STAB1: variants seen among roughly 807,000 people sequenced by gnomAD.
STAB1 encodes the protein stabilin 1.
In STAB1, 250 loss-of-function variants were observed where a neutral mutation model predicts 332.4. That is an observed-to-expected ratio of 0.75 (90% confidence interval 0.68 to 0.84). The LOEUF is 0.84. STAB1 is among the 40% of genes least tolerant of loss of function. STAB1 has a pLI of 0.00. For missense variants in STAB1, 3,249 were observed against 3,489.7 expected, an observed-to-expected ratio of 0.93 and a Z score of 1.74; for synonymous variants, 1,475 against 1,390.4, an observed-to-expected ratio of 1.06 and a Z score of -1.35.
chr3:52,509,740 CT>C (rs1709151776), intron 22 of STAB1, 129 bp from the exon 23 acceptor site: 1 of 940,652 alleles, frequency 1.1e-6, no homozygotes, highest in Non-Finnish European at 1.6e-6. Context: ...GAGATAACCT[CT>C]GATTTTTCCA....
intron 26 of STAB1, 152 bp downstream of exon 26, chr3:52,511,897 C>G (rs886150637): frequency 2.9e-6 from 2 of 679,750 alleles, no homozygotes; most frequent in African/African-American, 1.8e-5. Context: ...TGTCACTCCT[C>G]TCCCCCTTCA....
chr3:52,517,746 C>G, intron 44 of STAB1, 122 bp downstream of exon 44: 1 of 1,558,326 alleles, frequency 6.4e-7, no homozygotes, highest in Non-Finnish European at 8.7e-7. Flanking sequence ...ATCCTCCCGT[C>G]AAGCTCGAGT....
chr3:52,513,294 G>A, intron 30 of STAB1, 53 bp downstream of exon 30: 1 of 1,499,762 alleles, frequency 6.7e-7, no homozygotes, highest in Non-Finnish European at 9.0e-7. Flanking sequence ...ATGGGAGGGA[G>A]CCTGAGTGGC....
At chr3:52,501,395 A>C in intron 2 of STAB1, 93 bp downstream of exon 2, 1 of 1,548,626 alleles carries the variant, frequency 6.5e-7, no homozygotes, top group South Asian at 1.2e-5. Flanking sequence ...AATGAGGAGA[A>C]GCACTCACTT....
chr3:52,514,214 G>C lies in STAB1; in HGVS notation c.3546+1G>C. 1 of 1,613,072 alleles carries C rather than the reference G, an allele frequency of 6.2e-7. No homozygotes were observed. The highest frequency in any genetic ancestry group is 8.5e-7 in the Non-Finnish European group (1 of 1,179,974). Reference sequence around the variant, plus strand: ...GGCCCAGGGCAACAGCAGTCACCTGGTGAGGCCGTGGGGATGGGGCAATGG... The same window carrying C: ...GGCCCAGGGCAACAGCAGTCACCTGCTGAGGCCGTGGGGATGGGGCAATGG... On this transcript the variant is annotated splice_donor_variant, in intron 33 of 68. Coordinates refer to ENST00000321725, the MANE Select transcript of STAB1 (RefSeq NM_015136.3). LOFTEE classifies it high-confidence loss of function.
At position 52,516,695 on chromosome 3, in the gene STAB1, C is replaced by A. The variant is rs372930047; in HGVS notation, c.4290C>A (p.Cys1430Ter). ...CPRKCDPNAN[C>*]VQDSAGASTC... ...CTGCTGCTACCACCCCTCCCAGCTG[C>A]GTGCAGGACTCGGCCGGAGCCTCCA... The change falls in exon 41 of 69, where the codon TGC becomes TGA. Residue 1430 changes from cysteine to a stop codon, truncating the protein, a stop_gained. Coordinates refer to ENST00000321725, the MANE Select transcript of STAB1 (RefSeq NM_015136.3). LOFTEE classifies it high-confidence loss of function. 6.2e-7 allele frequency: 1 copy of A among 1,612,426 alleles called. No individual in the cohort carries two copies. Among genetic ancestry groups the A allele is most frequent in the Non-Finnish European group, 8.5e-7 (1 of 1,179,936 alleles).
In STAB1 at chr3:52,505,904, T is replaced by A; in HGVS notation, c.1717T>A (p.Leu573Met). 1 of 1,613,774 alleles carries A rather than the reference T, an allele frequency of 6.2e-7. No individual in the cohort carries two copies. The highest frequency in any genetic ancestry group is 8.5e-7 in the Non-Finnish European group (1 of 1,180,008). ...FTAGLSKLQE[L>M]VRYHIYNHGQ... ...CCAGGGTCTCTCTAAACTGCAGGAG[T>A]TGGTGCGGTACCACATCTACAACCA... The change falls in exon 16 of 69, where the codon TTG becomes ATG. Residue 573 changes from leucine (L) to methionine (M), a missense_variant. Transcript: ENST00000321725.
At chr3:52,511,462 C>T (rs905856694) in intron 25 of STAB1, among the ~76,000 whole-genome samples, 188 bp from the exon 26 acceptor site, 78 of 152,350 alleles carry the variant, frequency 5.1e-4, no homozygotes, top group African/African-American at 1.7e-3. Flanking sequence ...ATCCTGAGAG[C>T]CAGTCTCCCC....
chr3:52,496,754 G>A (rs1708055676), intron 1 of STAB1, among the ~76,000 whole-genome samples: 1 of 152,194 alleles, frequency 6.6e-6, no homozygotes, highest in Non-Finnish European at 1.5e-5. Context: ...ACAGAGGTCA[G>A]TGAGGGGCCT....
In STAB1 at chr3:52,495,433, T is replaced by G; in HGVS notation, c.20T>G (p.Leu7Arg). MAGPRG[L>R]LPLCLLAFCL... ...CCAGCCATGGCGGGGCCCCGGGGCC[T>G]CCTCCCACTCTGCCTCCTGGCCTTC... Residue 7 changes from leucine to arginine, a missense_variant, in exon 1 of 69, where the codon CTC (leucine) becomes CGC (arginine). By Grantham distance (102) the Leu-to-Arg change is moderately radical (BLOSUM62 -2). Transcript: ENST00000321725. The G allele has an allele frequency of 1.5e-6, 2 of 1,340,768 alleles. No homozygotes were observed. Among genetic ancestry groups the G allele is most frequent in the East Asian group, 2.8e-5 (1 of 35,776 alleles). The allele number at this position is 1,340,768 out of a possible 1,614,324, so 83.1% of individuals were successfully genotyped here. A position where few individuals can be genotyped will look rare whatever the true frequency, so the allele number is the denominator to read the frequency against.
At chr3:52,501,045 C>T (rs1708406815) in intron 1 of STAB1, 121 bp from the exon 2 acceptor site, 14 of 1,405,090 alleles carry the variant, frequency 1.0e-5, no homozygotes, top group Non-Finnish European at 1.4e-5. Flanking sequence ...TCTGCTTACT[C>T]TGACCCCTGA....
chr3:52,520,828 T>G lies in STAB1; in HGVS notation c.5731T>G (p.Phe1911Val), dbSNP rs2079049197. 1 of 1,612,818 alleles carries G rather than the reference T, an allele frequency of 6.2e-7. No individual in the cohort carries two copies. The highest frequency in any genetic ancestry group is 2.2e-5 in the East Asian group (1 of 44,880). ...GGGCAGCCCTGAGGCCTGCTGGCGC[T>G]TCTACCCGAAGTTCTGGACGTCCCC... ...EQGSPEACWR[F>V]YPKFWTSPPL... The change falls in exon 55 of 69, where the codon TTC becomes GTC. Residue 1911 changes from phenylalanine (F) to valine (V), a missense_variant. Physicochemically the swap from Phe to Val is conservative, Grantham distance 50. Transcript: ENST00000321725.
Position 52,516,500 on chromosome 3 carries a change from T to C in STAB1, c.4241-42T>C, listed in dbSNP as rs199502914. Reference sequence around the variant, plus strand: ...GGGCAGGTGGCTACTGAGGAGGCTGTTCCTGGGTCTGAATGACCAGAGTCA... The same window carrying C: ...GGGCAGGTGGCTACTGAGGAGGCTGCTCCTGGGTCTGAATGACCAGAGTCA... On this transcript the variant is annotated intron_variant, in intron 39 of 68. Coordinates refer to ENST00000321725, the MANE Select transcript of STAB1 (RefSeq NM_015136.3). 67 of 1,613,454 alleles carry C rather than the reference T, an allele frequency of 4.2e-5. No individual in the cohort carries two copies. The African/African-American group carries it at 8.5e-4, about 21-fold the overall frequency.
chr3:52,514,612 C>A (rs541388019), intron 34 of STAB1, 89 bp from the exon 35 acceptor site: 2 of 1,584,354 alleles, frequency 1.3e-6, no homozygotes, highest in Non-Finnish European at 1.7e-6. Flanking sequence ...CTCCAGGGAG[C>A]CCCCCGGCCC....
At chr3:52,511,510 TGA>T (rs886121691) in intron 25 of STAB1, 138 bp from the exon 26 acceptor site, 1 of 653,144 alleles carries the variant, frequency 1.5e-6, no homozygotes, top group African/African-American at 1.8e-5. Flanking sequence ...CACAGATCTC[TGA>T]GAGGAGGGCT....
At position 52,522,433 on chromosome 3, in the gene STAB1, C is replaced by T. The variant is rs1211400405; in HGVS notation, c.6569C>T (p.Pro2190Leu). 1 of 1,613,132 alleles carries T rather than the reference C, an allele frequency of 6.2e-7. No individual in the cohort carries two copies. The highest frequency in any genetic ancestry group is 8.5e-7 in the Non-Finnish European group (1 of 1,180,030). Residue 2190 changes from proline (P) to leucine (L), a missense_variant, in exon 60 of 69, where the codon CCC (proline) becomes CTC (leucine). Coordinates refer to ENST00000321725, the MANE Select transcript of STAB1 (RefSeq NM_015136.3). ...PVDRCLGQPP[P>L]CHSDAMCTDL... ...GACCGCTGCTTGGGCCAGCCACCGC[C>T]CTGCCACTCAGATGCCATGTGCACT... is the stretch of plus-strand genomic sequence containing the variant.
At position 52,503,977 on chromosome 3, in the gene STAB1, GGT is replaced by G. The variant is rs377616674; in HGVS notation, c.1023-49_1023-48del. On this transcript the variant is annotated intron_variant, in intron 9 of 68. Coordinates refer to ENST00000321725, the MANE Select transcript of STAB1 (RefSeq NM_015136.3). ...CTCTGCGGGAAGGCGTGGGGGGTGC[GGT>G]GGGGGGGGCCTCAGCCTCCGCCCTG... 219 of 1,608,468 alleles carry G rather than the reference GGT, an allele frequency of 1.4e-4. 3 individuals carry two copies. The African/African-American group carries it at 1.5e-3, about 11-fold the overall frequency.
At position 52,517,871 on chromosome 3, in the gene STAB1, C is replaced by T. The variant is rs1041161841; in HGVS notation, c.4639-10C>T. The T allele has an allele frequency of 6.2e-7, 1 of 1,612,108 alleles. No individual in the cohort carries two copies. Among genetic ancestry groups the T allele is most frequent in the Non-Finnish European group, 8.5e-7 (1 of 1,179,704 alleles). On this transcript the variant is annotated splice_polypyrimidine_tract_variant and intron_variant, in intron 44 of 68. Transcript: ENST00000321725. Reference sequence around the variant, plus strand: ...GCCACTGATACCTTCCTCTCCTGTCCCTGACTCAGAACAATGGAGGATGCA... The same window carrying T: ...GCCACTGATACCTTCCTCTCCTGTCTCTGACTCAGAACAATGGAGGATGCA...
intron 33 of STAB1, 53 bp from the exon 34 acceptor site, chr3:52,514,312 T>A (rs370456373): frequency 1.9e-6 from 3 of 1,573,110 alleles, no homozygotes. Context: ...TGGCGTGCTG[T>A]CCAGGGCACT....
Sources: allele counts gnomAD v4.1 joint callset (sites outside exome capture counted in the v4.1 genomes callset), GRCh38; gene constraint gnomAD v4.1.1; transcripts MANE v1.5; gene names NCBI Gene and HGNC (gene_info 2026-07-23, HGNC 2026-07-21).